Variants in C1orf185 observed in about 807,000 individuals in gnomAD.
C1orf185 encodes the protein chromosome 1 open reading frame 185.
In C1orf185, 13 loss-of-function variants were observed where a neutral mutation model predicts 16.1. The observed-to-expected ratio is 0.81, with a 90% confidence interval of 0.53 to 1.28. The LOEUF is 1.28. Ranked by LOEUF, C1orf185 falls within the 50% of genes most tolerant of loss-of-function variation. C1orf185 has a pLI of 0.00. For synonymous variants in C1orf185, 80 were observed against 76.9 expected, an observed-to-expected ratio of 1.04 and a Z score of -0.21; for missense variants, 220 against 225.2, an observed-to-expected ratio of 0.98 and a Z score of 0.15.
At chr1:51,103,591 T>A (rs1454819262) in intron 1 of C1orf185, among the ~76,000 whole-genome samples, 1 of 150,894 alleles carries the variant, frequency 6.6e-6, no homozygotes, top group Admixed American at 6.6e-5. Context: ...TGGAGTGCAG[T>A]GGCGCAATCT....
chr1:51,121,234 TC>T (rs756929513), intron 3 of C1orf185, among the ~76,000 whole-genome samples: 4 of 152,118 alleles, frequency 2.6e-5, no homozygotes, highest in Non-Finnish European at 5.9e-5. Flanking sequence ...AAATTTTGTA[TC>T]CTTTGACCAA....
intron 1 of C1orf185, among the ~76,000 whole-genome samples, chr1:51,105,187 G>A (rs139333454): frequency 2.6e-5 from 4 of 151,664 alleles, no homozygotes; most frequent in African/African-American, 9.7e-5. Flanking sequence ...GGCTGGTCTC[G>A]AACTCCTCAC....
At chr1:51,104,810 T>C (rs1646056961) in intron 1 of C1orf185, among the ~76,000 whole-genome samples, 1 of 152,202 alleles carries the variant, frequency 6.6e-6, no homozygotes, top group Admixed American at 6.5e-5. Context: ...TCTAGAAAAC[T>C]GTTTTTGCAT....
downstream of C1orf185, among the ~76,000 whole-genome samples, chr1:51,148,395 T>C (rs1646414881): frequency 6.6e-6 from 1 of 152,190 alleles, no homozygotes; most frequent in Admixed American, 6.5e-5. Context: ...AGTGCTGGGA[T>C]TACAGGCATG....
chr1:51,116,716 C>A (rs1337284191), intron 2 of C1orf185, among the ~76,000 whole-genome samples: 8 of 152,130 alleles, frequency 5.3e-5, no homozygotes, highest in African/African-American at 1.9e-4. Flanking sequence ...TACCCCCACA[C>A]ATATTCCCCA....
At chr1:51,129,696 A>G (rs974631818) in intron 3 of C1orf185, 2 of 152,458 alleles carry the variant, frequency 1.3e-5, no homozygotes, top group East Asian at 1.9e-4. Context: ...TCCAAGATCA[A>G]GATGCTGAAA....
chr1:51,146,009 T>C (rs184365365), intron 4 of C1orf185, among the ~76,000 whole-genome samples: 4 of 152,326 alleles, frequency 2.6e-5, no homozygotes, highest in African/African-American at 7.2e-5. Context: ...AAAGGTATCA[T>C]AGTCAATGTC....
chr1:51,122,716 A>G (rs537711185), intron 3 of C1orf185, among the ~76,000 whole-genome samples: 1 of 152,296 alleles, frequency 6.6e-6, no homozygotes, highest in South Asian at 2.1e-4. Context: ...TCATTATCCT[A>G]AAAGTCCTCT....
rs142174896 is a variant in C1orf185 at position 51,126,799 on chromosome 1, G to A, written c.258+7998G>A. On this transcript the variant is annotated intron_variant, in intron 3 of 4. Coordinates refer to ENST00000371759, the MANE Select transcript of C1orf185 (RefSeq NM_001136508.2). ...AAACTCCAGATGTTATTTAGATTTC[G>A]CCAGTTTTTAAGTGAATGTACTTTT... Among the ~76,000 whole-genome samples, 547 of 152,144 alleles carry A rather than the reference G, an allele frequency of 3.6e-3. 1 individual carries two copies. The highest frequency in any genetic ancestry group is 4.4e-3 in the Non-Finnish European group (300 of 67,998).
intron 1 of C1orf185, among the ~76,000 whole-genome samples, chr1:51,103,429 A>ACACG (rs751300555): frequency 0.036 from 5,328 of 149,730 alleles, 155 homozygotes; most frequent in African/African-American, 0.072. Context: ...ACACACACAC[A>ACACG]CACACACACA....
intron 2 of C1orf185, among the ~76,000 whole-genome samples, chr1:51,114,931 G>A (rs972422891): frequency 6.6e-6 from 1 of 152,004 alleles, no homozygotes; most frequent in East Asian, 1.9e-4. Context: ...TCCTTTCCAG[G>A]CATCACTCCT....
chr1:51,115,704 T>C (rs767357404), intron 2 of C1orf185, among the ~76,000 whole-genome samples: 4 of 152,206 alleles, frequency 2.6e-5, no homozygotes, highest in Admixed American at 2.6e-4. Context: ...TTTTAAAATA[T>C]CTTTATGTCT....
intron 3 of C1orf185, among the ~76,000 whole-genome samples, chr1:51,129,996 AAT>A (rs1461968733): frequency 2.0e-5 from 3 of 152,224 alleles, no homozygotes; most frequent in African/African-American, 7.2e-5. Context: ...TTGCTGCATC[AAT>A]AGTTTGTTCT....
At chr1:51,106,275 C>A (rs927107077) in intron 1 of C1orf185, among the ~76,000 whole-genome samples, 4 of 151,888 alleles carry the variant, frequency 2.6e-5, no homozygotes, top group Non-Finnish European at 5.9e-5. Context: ...ATAGAAAGGT[C>A]TAGAGTGAAA....
chr1:51,131,424 C>G (rs76888668), intron 3 of C1orf185, among the ~76,000 whole-genome samples: 6,702 of 152,248 alleles, frequency 0.044, 437 homozygotes, highest in African/African-American at 0.13. Context: ...TAGATGTCTT[C>G]TCTCTTATTA....
chr1:51,140,537 G>C (rs1646357720), intron 3 of C1orf185, among the ~76,000 whole-genome samples: 1 of 152,024 alleles, frequency 6.6e-6, no homozygotes, highest in Non-Finnish European at 1.5e-5. Flanking sequence ...GTGGATTTTT[G>C]CCTTTTTCAT....
Position 51,147,801 on chromosome 1 carries a change from A to G in C1orf185, c.*30A>G. Reference sequence around the variant, plus strand: ...CAAAAAGATGACTACATTAAGGGAAAATGTTCATGAAGAAACACAGAGGTT... The same window carrying G: ...CAAAAAGATGACTACATTAAGGGAAGATGTTCATGAAGAAACACAGAGGTT... On this transcript the variant is annotated 3_prime_UTR_variant, in exon 5 of 5. Transcript: ENST00000371759. 6.9e-7 allele frequency: 1 copy of G among 1,438,954 alleles called. No homozygotes were observed. 89.1% of individuals were successfully genotyped at this position (1,438,954 alleles called of 1,614,324 possible).
intron 3 of C1orf185, among the ~76,000 whole-genome samples, chr1:51,139,426 C>G (rs1646349266): frequency 6.6e-6 from 1 of 152,126 alleles, no homozygotes; most frequent in African/African-American, 2.4e-5. Context: ...CTATACTGTG[C>G]TGTCAGACCT....
chr1:51,119,273 C>T (rs1238706306), intron 3 of C1orf185, among the ~76,000 whole-genome samples: 1 of 152,102 alleles, frequency 6.6e-6, no homozygotes, highest in Non-Finnish European at 1.5e-5. Context: ...ATGTGTAGTA[C>T]AAGTGAGAAA....
Sources: allele counts gnomAD v4.1 joint callset (sites outside exome capture counted in the v4.1 genomes callset), GRCh38; gene constraint gnomAD v4.1.1; transcripts MANE v1.5; gene names NCBI Gene and HGNC (gene_info 2026-07-23, HGNC 2026-07-21).